Variants in CACNB1 observed in about 807,000 individuals in gnomAD.
CACNB1 encodes calcium voltage-gated channel auxiliary subunit beta 1.
A neutral mutation model predicts 71.6 loss-of-function variants in CACNB1; 29 were observed. The ratio of observed to expected loss-of-function variants is 0.40; its 90% confidence interval spans 0.30 to 0.55. CACNB1 has a LOEUF of 0.55. Ranked by LOEUF, CACNB1 falls within the 20% of genes least tolerant of loss-of-function variation. The probability of loss-of-function intolerance (pLI) is 0.38; values close to 1 mark genes in which losing one functional copy is unlikely to be tolerated. For missense variants in CACNB1, 623 were observed against 801.8 expected (o/e 0.78, Z 2.69); for synonymous variants, 300 against 319.6 (o/e 0.94, Z 0.65).
At chr17:39,180,547 T>C (rs2144102461) in intron 11 of CACNB1, among the ~76,000 whole-genome samples, 1 of 150,598 alleles carries the variant, frequency 6.6e-6, no homozygotes, top group South Asian at 2.1e-4. Flanking sequence ...ACCAGCTACT[T>C]GGGAGGCTGA....
rs138103595 is a variant in CACNB1 at position 39,191,129 on chromosome 17, G to A, written c.291+345C>T. Among the ~76,000 whole-genome samples the A allele has an allele frequency of 2.0e-3, 307 of 152,154 alleles. 1 individual carries two copies. The highest frequency in any genetic ancestry group is 6.5e-3 in the African/African-American group (268 of 41,500). On this transcript the variant is annotated intron_variant, in intron 3 of 13. Coordinates refer to ENST00000394303, the MANE Select transcript of CACNB1 (RefSeq NM_000723.5). Reference sequence around the variant, plus strand: ...TGAGGCAGGAGAATGGCGTGAACCCGGGAGGCGGAGCTTGCAGTGAGCCGA... The same window carrying A: ...TGAGGCAGGAGAATGGCGTGAACCCAGGAGGCGGAGCTTGCAGTGAGCCGA...
Position 39,186,851 on chromosome 17 carries a change from G to A in CACNB1, c.493C>T (p.Leu165=), listed in dbSNP as rs2045954006. 6.2e-7 allele frequency: 1 copy of A among 1,614,042 alleles called. No individual in the cohort carries two copies. The highest frequency in any genetic ancestry group is 1.3e-5 in the African/African-American group (1 of 74,930). Residue 165 remains leucine, a synonymous_variant, in exon 5 of 14, where the codon CTG becomes TTG. Transcript: ENST00000394303. The surrounding 1 kb of genome is among the most constrained non-coding windows in gnomAD (Gnocchi z 4.1). ...TCCTGCAGCAGGCGAAGGCTGTCCA[G>A]TTTGACGGGGCTGGGAATGAAGCCA... is the stretch of plus-strand genomic sequence containing the variant. ...EVGFIPSPVK[L]DSLRLLQEQK...
chr17:39,177,577 G>T lies in CACNB1; in HGVS notation c.1147-42C>A, dbSNP rs1275426025. 7 of 1,514,022 alleles carry T rather than the reference G, an allele frequency of 4.6e-6. No homozygotes were observed. The South Asian group carries it at 6.2e-5, about 13-fold the overall frequency. The allele number at this position is 1,514,022 out of a possible 1,614,324, so 93.8% of individuals were successfully genotyped here. The stretch of plus-strand genomic sequence containing the variant: ...AGGGGGCAGGGCTGGGATGAGTGGG[G>T]CATGGCCAAGGGGGTTGAGGGTGTG... On this transcript the variant is annotated intron_variant, in intron 12 of 13. Transcript: ENST00000394303.
rs187089543 is a variant in CACNB1, at chr17:39,189,038, C to T, written c.292-1437G>A. ...AGCCCGGGCAACAAGAGCGAAACTC[C>T]GTCTCAAAAACAAAACAAAATAAAT... On this transcript the variant is annotated intron_variant, in intron 3 of 13. Transcript: ENST00000394303. Among the ~76,000 whole-genome samples the T allele has an allele frequency of 1.7e-3, 250 of 151,286 alleles. 1 individual carries two copies. Among genetic ancestry groups the T allele is most frequent in the Non-Finnish European group, 2.5e-3 (173 of 67,904 alleles).
chr17:39,177,955 A>C (rs756203737), intron 12 of CACNB1, 29 bp downstream of exon 12: 3 of 1,553,480 alleles, frequency 1.9e-6, no homozygotes, highest in Non-Finnish European at 2.7e-6. Context: ...TTCTCCCTCC[A>C]TTCCCTTCCC....
Position 39,184,393 on chromosome 17 carries a change from G to A in CACNB1, c.730-10C>T. 8 of 1,420,950 alleles carry A rather than the reference G, an allele frequency of 5.6e-6. No homozygotes were observed. Among genetic ancestry groups the A allele is most frequent in the Non-Finnish European group, 7.8e-6 (8 of 1,028,880 alleles). 88.0% of individuals were successfully genotyped at this position (1,420,950 alleles called of 1,614,324 possible). On this transcript the variant is annotated splice_polypyrimidine_tract_variant and intron_variant, in intron 8 of 13. Coordinates refer to ENST00000394303, the MANE Select transcript of CACNB1 (RefSeq NM_000723.5). ...GCATCATGTCTGTAACCTGGGGGTG[G>A]GGGTTTGTGGGGAGGGAGGGAGGAG...
chr17:39,197,605 G>A lies in CACNB1; in HGVS notation c.-110C>T, dbSNP rs552004779. ...CGCGGCGCAGCCAGCACCCGGTCCA[G>A]CCACCCAGCTCGGCCTTCGGCTGCC... is the stretch of plus-strand genomic sequence containing the variant. On this transcript the variant is annotated 5_prime_UTR_variant, in exon 1 of 14. Transcript: ENST00000394303. The A allele has an allele frequency of 3.3e-4, 264 of 789,572 alleles. No individual in the cohort carries two copies. The highest frequency in any genetic ancestry group is 4.8e-4 in the Non-Finnish European group (248 of 511,368). The allele number at this position is 789,572 out of a possible 1,614,324, so 48.9% of individuals were successfully genotyped here.
Position 39,186,371 on chromosome 17 carries a change from T to TCATGTCCCCCACC in CACNB1, c.628+124_628+125insGGTGGGGGACATG, listed in dbSNP as rs2045940340. Reference sequence around the variant, plus strand: ...CTACTCTTCATGGAGGGGGAACCACTGCATGTGCTTGGGGGACTCAGGATT... The same window carrying TCATGTCCCCCACC: ...CTACTCTTCATGGAGGGGGAACCACTCATGTCCCCCACCGCATGTGCTTGGGGGACTCAGGATT... On this transcript the variant is annotated intron_variant, in intron 6 of 13. Transcript: ENST00000394303. The surrounding 1 kb of genome is among the most constrained non-coding windows in gnomAD (Gnocchi z 4.1). 4.1e-5 allele frequency: 29 copies of TCATGTCCCCCACC among 704,196 alleles called. 1 individual carries two copies. In the South Asian group the frequency reaches 5.3e-4, roughly 13 times the overall value. The allele number at this position is 704,196 out of a possible 1,614,324, so 43.6% of individuals were successfully genotyped here. A position where few individuals can be genotyped will look rare whatever the true frequency, so the allele number is the denominator to read the frequency against.
At chr17:39,179,718 G>A (rs1033768869) in intron 11 of CACNB1, among the ~76,000 whole-genome samples, 8 of 151,956 alleles carry the variant, frequency 5.3e-5, no homozygotes, top group African/African-American at 1.7e-4. Flanking sequence ...GGCCATCATG[G>A]TGAAACCCTG....
At chr17:39,181,169 C>T (rs2045748687) in intron 11 of CACNB1, among the ~76,000 whole-genome samples, 1 of 152,102 alleles carries the variant, frequency 6.6e-6, no homozygotes, top group African/African-American at 2.4e-5. Flanking sequence ...TCTCGGCTCA[C>T]TGCAACCTCC....
chr17:39,197,454 G>C lies in CACNB1; in HGVS notation c.42C>G (p.Pro14=). The change falls in exon 1 of 14, where the codon CCC becomes CCG. Residue 14 remains proline (P), a synonymous_variant. Coordinates refer to ENST00000394303, the MANE Select transcript of CACNB1 (RefSeq NM_000723.5). ...AGACCTCCATGGGGATCTCCTGGGA[G>C]GGTGGGTAAGGGCCCCGGGACATGC... The part of the protein sequence containing the change: ...KTSMSRGPYP[P]SQEIPMEVFD... 6.7e-7 allele frequency: 1 copy of C among 1,484,332 alleles called. No homozygotes were observed. Among genetic ancestry groups the C allele is most frequent in the Non-Finnish European group, 8.9e-7 (1 of 1,121,950 alleles). The allele number at this position is 1,484,332 out of a possible 1,614,324, so 91.9% of individuals were successfully genotyped here. A position where few individuals can be genotyped will look rare whatever the true frequency, so the allele number is the denominator to read the frequency against.
chr17:39,187,010 C>T (rs1312099707), intron 4 of CACNB1, 81 bp from the exon 5 acceptor site: 18 of 1,489,130 alleles, frequency 1.2e-5, no homozygotes, highest in African/African-American at 1.1e-4. Context: ...CTAGGGGAAA[C>T]GCCCAGACTC....
chr17:39,191,479 C>A lies in CACNB1; in HGVS notation c.286G>T (p.Ala96Ser), dbSNP rs2046079210. 2 of 1,602,066 alleles carry A rather than the reference C, an allele frequency of 1.2e-6. No homozygotes were observed. The highest frequency in any genetic ancestry group is 1.7e-6 in the Non-Finnish European group (2 of 1,176,108). Residue 96 changes from alanine (A) to serine (S), a missense_variant, in exon 3 of 14, where the codon GCC becomes TCC. Transcript: ENST00000394303. ...CCTCCCCACATCTTTCTCACCTTGG[C>A]CTTCTCGAGCTGCGCTAATGCCTGG... ...ERQALAQLEK[A>S]KTKPVAFAVR...
chr17:39,183,880 C>A lies in CACNB1; in HGVS notation c.899-16G>T. The A allele has an allele frequency of 6.2e-7, 1 of 1,609,108 alleles. No individual in the cohort carries two copies. Among genetic ancestry groups the A allele is most frequent in the South Asian group, 1.1e-5 (1 of 90,706 alleles). ...TGCACCTCAGCTGGGGGCATGGAGT[C>A]ATGTGGATGGGGGAATGTCAGGTGG... On this transcript the variant is annotated splice_polypyrimidine_tract_variant and intron_variant, in intron 10 of 13. Transcript: ENST00000394303.
rs1243722998 is a variant in CACNB1 at position 39,175,186 on chromosome 17, C to T, written c.*7G>A. 2 of 1,602,056 alleles carry T rather than the reference C, an allele frequency of 1.2e-6. No individual in the cohort carries two copies. The highest frequency in any genetic ancestry group is 1.7e-6 in the Non-Finnish European group (2 of 1,172,386). Reference sequence around the variant, plus strand: ...AGCCCTTCCTCCCGCCGTGTGGCCCCTGCCTCTCAGCGAATGTAGACGCCT... The same window carrying T: ...AGCCCTTCCTCCCGCCGTGTGGCCCTTGCCTCTCAGCGAATGTAGACGCCT... On this transcript the variant is annotated 3_prime_UTR_variant, in exon 14 of 14. Transcript: ENST00000394303. The surrounding 1 kb of genome is among the most constrained non-coding windows in gnomAD (Gnocchi z 4.7).
intron 13 of CACNB1, among the ~76,000 whole-genome samples, chr17:39,176,376 A>G (rs2045578574): frequency 6.6e-6 from 1 of 152,150 alleles, no homozygotes; most frequent in Non-Finnish European, 1.5e-5. Context: ...GACCCTAAGC[A>G]AACAGTTCCC....
chr17:39,178,581 T>C (rs868048221), intron 11 of CACNB1, among the ~76,000 whole-genome samples: 4 of 152,042 alleles, frequency 2.6e-5, no homozygotes, highest in Middle Eastern at 3.4e-3. Context: ...CAGGGTCTTA[T>C]TATGTTGCCC....
chr17:39,176,386 C>T (rs145129979), intron 13 of CACNB1, among the ~76,000 whole-genome samples: 112 of 152,286 alleles, frequency 7.4e-4, no homozygotes, highest in African/African-American at 2.6e-3. Context: ...AAACAGTTCC[C>T]CTCTCTGTGG....
Position 39,186,158 on chromosome 17 carries a change from G to A in CACNB1, c.628+338C>T, listed in dbSNP as rs766568762. 6.6e-7 allele frequency: 1 copy of A among 1,505,300 alleles called. No individual in the cohort carries two copies. The highest frequency in any genetic ancestry group is 1.1e-5 in the South Asian group (1 of 86,960). The allele number at this position is 1,505,300 out of a possible 1,614,324, so 93.2% of individuals were successfully genotyped here. On this transcript the variant is annotated intron_variant, in intron 6 of 13. Transcript: ENST00000394303. This position sits in a 1 kb window ranked among gnomAD's most constrained non-coding sequence, Gnocchi z 4.1. Reference sequence around the variant, plus strand: ...GAGGGAGGCGAGGTGGGGAGAAGGAGTGAGATGAACGTGGAGACACAAGTA... The same window carrying A: ...GAGGGAGGCGAGGTGGGGAGAAGGAATGAGATGAACGTGGAGACACAAGTA...
Sources: gnomAD v4.1 joint callset for allele counts (sites outside exome capture counted in the v4.1 genomes callset) on GRCh38, gnomAD v4.1.1 for gene constraint, Gnocchi (gnomAD v3.1) non-coding constraint, MANE v1.5 for transcripts, NCBI Gene and HGNC (gene_info 2026-07-23, HGNC 2026-07-21) for gene names.